IPMK: variants seen among roughly 807,000 people sequenced by gnomAD.
IPMK encodes the protein inositol 1,3,4,6-tetrakisphosphate 5-kinase.
In IPMK, 17 loss-of-function variants were observed where a neutral mutation model predicts 45.8. The observed-to-expected ratio is 0.37, with a 90% CI of 0.25 to 0.56. IPMK has a LOEUF of 0.56. Ranked by LOEUF, IPMK falls within the 20% of genes least tolerant of loss-of-function variation. The pLI is 0.79. For missense variants in IPMK, 399 were observed against 498.0 expected (o/e 0.80, Z 1.89); for synonymous variants, 180 against 184.3 (o/e 0.98, Z 0.19).
chr10:58,259,893 T>C (rs1839037110), intron 1 of IPMK, among the ~76,000 whole-genome samples: 1 of 152,090 alleles, frequency 6.6e-6, no homozygotes, highest in Non-Finnish European at 1.5e-5. Context: ...AATATTACTA[T>C]TTTGCAATTA....
At chr10:58,258,626 A>G (rs1564541602) in intron 1 of IPMK, among the ~76,000 whole-genome samples, 1 of 152,186 alleles carries the variant, frequency 6.6e-6, no homozygotes, top group African/African-American at 2.4e-5. Flanking sequence ...TTATTAATGG[A>G]TCAAAATTCA....
At chr10:58,216,030 C>A in intron 4 of IPMK, 115 bp downstream of exon 4, 1 of 789,506 alleles carries the variant, frequency 1.3e-6, no homozygotes, top group South Asian at 3.9e-5. Context: ...TTACAGACAA[C>A]TCAATTCCAA....
At position 58,237,761 on chromosome 10, in the gene IPMK, T is replaced by C; in HGVS notation, c.244A>G (p.Arg82Gly). Residue 82 changes from arginine (R) to glycine (G), a missense_variant, in exon 2 of 6, where the codon AGG (arginine) becomes GGG (glycine). Coordinates refer to ENST00000373935, the MANE Select transcript of IPMK (RefSeq NM_152230.5). ...TAGAATTCCAGCTCTCTTGGGCCCCTTGGAGGTGGTTGTAACTGTTTCAAA... is the reference window on the plus strand; with the variant it reads ...TAGAATTCCAGCTCTCTTGGGCCCCCTGGAGGTGGTTGTAACTGTTTCAAA... ...TVLKQLQPPP[R>G]GPRELEFYNM... 6.2e-7 allele frequency: 1 copy of C among 1,613,416 alleles called. No homozygotes were observed.
chr10:58,267,583 C>G lies in IPMK; in HGVS notation c.29G>C (p.Arg10Pro). Residue 10 changes from arginine to proline, a missense_variant, in exon 1 of 6, where the codon CGG (arginine) becomes CCG (proline). Around this residue, in one of 2 missense-constraint regions of IPMK, gnomAD observed 111 missense variants for 99.9 expected, o/e 1.11. Coordinates refer to ENST00000373935, the MANE Select transcript of IPMK (RefSeq NM_152230.5). ...TTCTGGGGGGCCCGGCGCCTCGACC[C>G]GGAGGGGGGATGGTGGCTCTGTTGC... Reference protein sequence around the residue: MATEPPSPLRVEAPGPPEMR... With the variant: MATEPPSPLPVEAPGPPEMR... The G allele has an allele frequency of 1.2e-6, 2 of 1,605,262 alleles. No homozygotes were observed. Among genetic ancestry groups the G allele is most frequent in the Non-Finnish European group, 1.7e-6 (2 of 1,176,252 alleles).
intron 1 of IPMK, among the ~76,000 whole-genome samples, chr10:58,251,368 T>A (rs1267220314): frequency 2.0e-5 from 3 of 152,166 alleles, no homozygotes; most frequent in Non-Finnish European, 2.9e-5. Flanking sequence ...ATATTATTTT[T>A]AAAAATTTGT....
intron 2 of IPMK, among the ~76,000 whole-genome samples, chr10:58,229,953 C>G (rs941816508): frequency 6.6e-6 from 1 of 152,190 alleles, no homozygotes; most frequent in Admixed American, 6.5e-5. Flanking sequence ...ACACTCCCAT[C>G]CAAATACTGC....
chr10:58,267,691 G>T lies in IPMK; in HGVS notation c.-80C>A. 1.1e-6 allele frequency: 1 copy of T among 902,712 alleles called. No individual in the cohort carries two copies. The highest frequency in any genetic ancestry group is 1.5e-5 in the South Asian group (1 of 66,910). 55.9% of individuals were successfully genotyped at this position (902,712 alleles called of 1,614,324 possible). ...GGAGGGGGCGCCGGAGAACCCGAGG[G>T]TCGCTCAGGCTCGGGCGCGAGGAGG... On this transcript the variant is annotated 5_prime_UTR_variant, in exon 1 of 6. Coordinates refer to ENST00000373935, the MANE Select transcript of IPMK (RefSeq NM_152230.5).
At chr10:58,220,988 A>T (rs982656563) in intron 3 of IPMK, among the ~76,000 whole-genome samples, 1 of 152,236 alleles carries the variant, frequency 6.6e-6, no homozygotes, top group Non-Finnish European at 1.5e-5. Context: ...CCTGGAGTCT[A>T]TTCTTACCCT....
At chr10:58,264,279 T>C (rs1444717260) in intron 1 of IPMK, among the ~76,000 whole-genome samples, 1 of 152,232 alleles carries the variant, frequency 6.6e-6, no homozygotes, top group Non-Finnish European at 1.5e-5. Context: ...AATGTTACTT[T>C]TCTATTGTTC....
rs187473438 is a variant in IPMK, at chr10:58,253,488, G to C, written c.190+13934C>G. On this transcript the variant is annotated intron_variant, in intron 1 of 5. Transcript: ENST00000373935. ...TCAAGCCTGTAATCCTAGCACTTTG[G>C]GAGGACGAAGCAGGCAGACTGCCTG... Among the ~76,000 whole-genome samples, 8 of 152,156 alleles carry C rather than the reference G, an allele frequency of 5.3e-5. No homozygotes were observed. In the East Asian group the frequency reaches 1.4e-3, roughly 26 times the overall value.
Position 58,255,206 on chromosome 10 carries a change from C to T in IPMK, c.190+12216G>A, listed in dbSNP as rs115092778. ...TAGCCACAAAGATCCACACACCTGT[C>T]ACTGCAATCACTGACCCACTTTTGT... On this transcript the variant is annotated intron_variant, in intron 1 of 5. Coordinates refer to ENST00000373935, the MANE Select transcript of IPMK (RefSeq NM_152230.5). Among the ~76,000 whole-genome samples, 602 of 152,352 alleles carry T rather than the reference C, an allele frequency of 4.0e-3. 3 individuals carry two copies. Among genetic ancestry groups the T allele is most frequent in the African/African-American group, 0.014 (577 of 41,582 alleles).
intron 1 of IPMK, 60 bp downstream of exon 1, chr10:58,267,362 C>T (rs1339580): frequency 0.24 from 383,170 of 1,568,094 alleles, 53,995 homozygotes; most frequent in African/African-American, 0.61. Context: ...GCTGCCTCCG[C>T]TGACAGGGGG....
At chr10:58,218,159 G>A (rs1272378848) in intron 3 of IPMK, among the ~76,000 whole-genome samples, 1 of 152,222 alleles carries the variant, frequency 6.6e-6, no homozygotes, top group Non-Finnish European at 1.5e-5. Flanking sequence ...TGCAGTCCAA[G>A]GGAGAAGCAC....
rs1367641450 is a variant in IPMK, at chr10:58,196,130, A to G, written c.1197T>C (p.Tyr399=). Residue 399 remains tyrosine (Y), a synonymous_variant, in exon 6 of 6, where the codon TAT becomes TAC. Coordinates refer to ENST00000373935, the MANE Select transcript of IPMK (RefSeq NM_152230.5). ...VFPSNTIDEG[Y]VYGLKHLISV... is the part of the protein sequence containing the mutation. ...AAATTAAATGCTTTAGCCCATAAAC[A>G]TATCCCTCATCTATTGTGTTGCTAG... 6 of 1,613,788 alleles carry G rather than the reference A, an allele frequency of 3.7e-6. No homozygotes were observed. Among genetic ancestry groups the G allele is most frequent in the South Asian group, 1.1e-5 (1 of 91,072 alleles).
intron 4 of IPMK, among the ~76,000 whole-genome samples, chr10:58,204,334 G>A (rs1248960928): frequency 1.3e-5 from 2 of 152,108 alleles, no homozygotes; most frequent in Non-Finnish European, 1.5e-5. Flanking sequence ...TGAGAAACAG[G>A]TGTAGGAGGA....
intron 3 of IPMK, among the ~76,000 whole-genome samples, chr10:58,220,916 G>T (rs969587430): frequency 6.6e-6 from 1 of 152,092 alleles, no homozygotes; most frequent in African/African-American, 2.4e-5. Context: ...AACCATGTTA[G>T]GTCACCAATG....
intron 3 of IPMK, among the ~76,000 whole-genome samples, chr10:58,218,659 T>C (rs1767241561): frequency 6.6e-6 from 1 of 152,198 alleles, no homozygotes; most frequent in Non-Finnish European, 1.5e-5. Context: ...TGAGAGAACG[T>C]AGCTAAATGT....
intron 1 of IPMK, among the ~76,000 whole-genome samples, chr10:58,242,399 G>A (rs1292062237): frequency 1.3e-5 from 2 of 149,668 alleles, no homozygotes; most frequent in African/African-American, 2.5e-5. Context: ...GGTAGGGGTT[G>A]CAGCGAGTCG....
At chr10:58,259,669 C>CAAAAAAAAAAAAAAA (rs1441296170) in intron 1 of IPMK, among the ~76,000 whole-genome samples, 1 of 53,086 alleles carries the variant, frequency 1.9e-5, no homozygotes, top group African/African-American at 2.8e-4. Context: ...CCCATCTCTA[C>CAAAAAAAAAAAAAAA]ATAAAAAAAA....
Sources: allele counts gnomAD v4.1 joint callset (sites outside exome capture counted in the v4.1 genomes callset), GRCh38; gene constraint gnomAD v4.1.1; regional missense constraint gnomAD v4.1.1; transcripts MANE v1.5; gene names NCBI Gene and HGNC (gene_info 2026-07-23, HGNC 2026-07-21).